Variants in MAN1A1 observed in about 807,000 individuals in gnomAD.
MAN1A1 encodes the protein mannosyl-oligosaccharide 1,2-alpha-mannosidase IA.
Under a neutral mutation model 70.8 loss-of-function variants are expected in MAN1A1, and 29 were observed. The observed-to-expected ratio is 0.41, with a 90% confidence interval of 0.31 to 0.56. The LOEUF is 0.56. Ranked by LOEUF, MAN1A1 falls within the 20% of genes least tolerant of loss-of-function variation. The pLI is 0.29. For synonymous variants in MAN1A1, 349 were observed against 330.1 expected (o/e 1.06, Z -0.62); for missense variants, 747 against 841.3 (o/e 0.89, Z 1.39).
intron 5 of MAN1A1, among the ~76,000 whole-genome samples, chr6:119,290,469 C>T (rs1776504586): frequency 6.6e-6 from 1 of 151,974 alleles, no homozygotes. Context: ...AAAGGCATTA[C>T]TTAACATTCC....
In MAN1A1 at chr6:119,305,951, C is replaced by T. The variant is rs113403643; in HGVS notation, c.700+945G>A. ...CCCAGCTCTGCCAGTTAGTAGGTGGCTATCTCTGGGAAAACTATTCTCTGG... is the reference window on the plus strand; with the variant it reads ...CCCAGCTCTGCCAGTTAGTAGGTGGTTATCTCTGGGAAAACTATTCTCTGG... On this transcript the variant is annotated intron_variant, in intron 3 of 12. Transcript: ENST00000368468. Among the ~76,000 whole-genome samples, 654 of 152,226 alleles carry T rather than the reference C, an allele frequency of 4.3e-3. 6 individuals carry two copies. The highest frequency in any genetic ancestry group is 0.015 in the African/African-American group (618 of 41,538).
chr6:119,222,521 C>A (rs1041832799), intron 6 of MAN1A1, among the ~76,000 whole-genome samples: 2 of 151,692 alleles, frequency 1.3e-5, no homozygotes, highest in African/African-American at 4.8e-5. Context: ...GAGACAAGGT[C>A]TTGCTATGTT....
chr6:119,233,600 T>C (rs572274634), intron 6 of MAN1A1, among the ~76,000 whole-genome samples: 18 of 152,336 alleles, frequency 1.2e-4, no homozygotes, highest in African/African-American at 4.3e-4. Flanking sequence ...GGACTCTTAA[T>C]TAGAGTGCAA....
chr6:119,204,827 A>G lies in MAN1A1; in HGVS notation c.1048T>C (p.Phe350Leu). ...ASGGSSILAE[F>L]GTLHLEFMHL... ...ATAAACTCCAAATGCAGGGTTCCAA[A>G]TTCTGCCAGAATACTGCTGCCTCCA... is the stretch of plus-strand genomic sequence containing the variant. The change falls in exon 7 of 13, where the codon TTT becomes CTT. Residue 350 changes from phenylalanine (F) to leucine (L), a missense_variant. Phe to Leu is a conservative substitution (Grantham distance 22). This residue lies in a region of MAN1A1 where 419 missense variants were observed against 548.2 expected (regional missense o/e 0.76). Coordinates refer to ENST00000368468, the MANE Select transcript of MAN1A1 (RefSeq NM_005907.4). 1.2e-6 allele frequency: 2 copies of G among 1,614,026 alleles called. No homozygotes were observed. The highest frequency in any genetic ancestry group is 1.7e-6 in the Non-Finnish European group (2 of 1,179,908).
chr6:119,204,075 A>G (rs1269871573), intron 7 of MAN1A1, among the ~76,000 whole-genome samples: 2 of 152,194 alleles, frequency 1.3e-5, no homozygotes, highest in African/African-American at 2.4e-5. Context: ...AGAGTATTAC[A>G]TGCCAAGCGC....
At chr6:119,180,520 T>A in intron 11 of MAN1A1, 93 bp from the exon 12 acceptor site, 1 of 254,218 alleles carries the variant, frequency 3.9e-6, no homozygotes, top group East Asian at 6.8e-5. Flanking sequence ...AGATAAAACA[T>A]TTTTTTTTTT....
intron 2 of MAN1A1, among the ~76,000 whole-genome samples, chr6:119,307,962 A>C (rs1772578641): frequency 6.6e-6 from 1 of 152,160 alleles, no homozygotes; most frequent in Admixed American, 6.5e-5. Flanking sequence ...TATGTTCCTG[A>C]ACACAACAAT....
At chr6:119,274,223 A>G (rs573885842) in intron 5 of MAN1A1, among the ~76,000 whole-genome samples, 35 of 152,334 alleles carry the variant, frequency 2.3e-4, no homozygotes, top group Middle Eastern at 6.8e-3. Flanking sequence ...AACTATAATG[A>G]GTAGATATTT....
chr6:119,326,363 A>G (rs1021811601), intron 2 of MAN1A1, among the ~76,000 whole-genome samples: 4 of 152,244 alleles, frequency 2.6e-5, no homozygotes, highest in Admixed American at 6.5e-5. Context: ...GCACCTGTAT[A>G]GCGTCAGCAG....
intron 6 of MAN1A1, among the ~76,000 whole-genome samples, chr6:119,217,736 C>G (rs184078827): frequency 6.6e-6 from 1 of 152,286 alleles, no homozygotes; most frequent in Admixed American, 6.5e-5. Flanking sequence ...AGAGAAAAAT[C>G]TAACACTGTA....
chr6:119,226,845 AT>A (rs34254538), intron 6 of MAN1A1, among the ~76,000 whole-genome samples: 64,401 of 151,502 alleles, frequency 0.43, 14,323 homozygotes, highest in East Asian at 0.76. Context: ...TAATTTATAT[AT>A]TTTTTAGTAG....
chr6:119,196,149 A>C (rs1773563429), intron 8 of MAN1A1, among the ~76,000 whole-genome samples: 1 of 152,184 alleles, frequency 6.6e-6, no homozygotes, highest in African/African-American at 2.4e-5. Context: ...AAGCAGCTTG[A>C]TGTTTTCCTC....
intron 6 of MAN1A1, among the ~76,000 whole-genome samples, chr6:119,226,018 T>C (rs1011962927): frequency 1.3e-5 from 2 of 152,200 alleles, no homozygotes; most frequent in Non-Finnish European, 2.9e-5. Context: ...TCCATGCATC[T>C]ATCTGAATTT....
At chr6:119,249,966 T>C (rs1775273444) in intron 5 of MAN1A1, among the ~76,000 whole-genome samples, 1 of 152,188 alleles carries the variant, frequency 6.6e-6, no homozygotes, top group Non-Finnish European at 1.5e-5. Flanking sequence ...GGAAATACAT[T>C]TGTAGTATAT....
At chr6:119,268,480 G>A (rs1005392314) in intron 5 of MAN1A1, among the ~76,000 whole-genome samples, 2 of 152,026 alleles carry the variant, frequency 1.3e-5, no homozygotes, top group Admixed American at 6.5e-5. Context: ...AGGATAAGGT[G>A]GGAAGTTAAA....
intron 2 of MAN1A1, among the ~76,000 whole-genome samples, chr6:119,339,846 T>G (rs548544372): frequency 6.6e-6 from 1 of 152,296 alleles, no homozygotes; most frequent in South Asian, 2.1e-4. Flanking sequence ...ATCCCAGCAC[T>G]TTGGGAGGCC....
At position 119,180,438 on chromosome 6, in the gene MAN1A1, G is replaced by T; in HGVS notation, c.1720-11C>A. On this transcript the variant is annotated splice_polypyrimidine_tract_variant and intron_variant, in intron 11 of 12. Coordinates refer to ENST00000368468, the MANE Select transcript of MAN1A1 (RefSeq NM_005907.4). Reference sequence around the variant, plus strand: ...ATGGTTTTCCAAGGCCTAAATTATAGAGGAGGAAAAAAAAAAGTCACATTT... The same window carrying T: ...ATGGTTTTCCAAGGCCTAAATTATATAGGAGGAAAAAAAAAAGTCACATTT... The T allele has an allele frequency of 7.1e-7, 1 of 1,400,196 alleles. No individual in the cohort carries two copies. The highest frequency in any genetic ancestry group is 1.0e-6 in the Non-Finnish European group (1 of 1,004,788). 86.7% of individuals were successfully genotyped at this position (1,400,196 alleles called of 1,614,324 possible).
At chr6:119,255,521 C>T (rs1454319422) in intron 5 of MAN1A1, among the ~76,000 whole-genome samples, 2 of 152,030 alleles carry the variant, frequency 1.3e-5, no homozygotes, top group Non-Finnish European at 2.9e-5. Flanking sequence ...TAGAGTAGAC[C>T]CTTGAAAGAT....
At chr6:119,309,367 G>C (rs1772639183) in intron 2 of MAN1A1, among the ~76,000 whole-genome samples, 1 of 152,124 alleles carries the variant, frequency 6.6e-6, no homozygotes, top group Non-Finnish European at 1.5e-5. Context: ...ACATCAAAAG[G>C]CTACCAGCTT....
Sources: allele counts gnomAD v4.1 joint callset (sites outside exome capture counted in the v4.1 genomes callset), GRCh38; gene constraint gnomAD v4.1.1; regional missense constraint gnomAD v4.1.1; transcripts MANE v1.5; gene names NCBI Gene and HGNC (gene_info 2026-07-23, HGNC 2026-07-21).